The following IQSEC1 variants were observed in gnomAD, a reference collection of about 807,000 sequenced individuals.
IQSEC1 encodes IQ motif and SEC7 domain-containing protein 1.
In IQSEC1, 31 loss-of-function variants were observed where a neutral mutation model predicts 91.0. The observed-to-expected ratio is 0.34, with a 90% confidence interval of 0.26 to 0.46. The LOEUF (loss-of-function observed/expected upper bound fraction) is 0.46. IQSEC1 is among the 20% of genes least tolerant of loss of function. The pLI is 1.00. For synonymous variants in IQSEC1, 699 were observed against 662.6 expected, an observed-to-expected ratio of 1.05 and a Z score of -0.84; for missense variants, 1,388 against 1,575.6, an observed-to-expected ratio of 0.88 and a Z score of 2.02.
intron 2 of IQSEC1, among the ~76,000 whole-genome samples, chr3:13,091,362 G>A (rs1415021241): frequency 6.6e-6 from 1 of 152,256 alleles, no homozygotes; most frequent in Non-Finnish European, 1.5e-5. Context: ...GACCGTGCCT[G>A]GCACATAGCA....
intron 1 of IQSEC1, among the ~76,000 whole-genome samples, chr3:12,955,797 G>A (rs1193435173): frequency 6.6e-6 from 1 of 152,206 alleles, no homozygotes; most frequent in Non-Finnish European, 1.5e-5. Context: ...CCCTGGGAGA[G>A]TTGGTCAGGA....
At chr3:13,176,913 C>A (rs551916531) in intron 1 of IQSEC1, among the ~76,000 whole-genome samples, 1 of 152,208 alleles carries the variant, frequency 6.6e-6, no homozygotes, top group African/African-American at 2.4e-5. Flanking sequence ...AGTACTGATA[C>A]ATACAAACAT....
intron 12 of IQSEC1, among the ~76,000 whole-genome samples, chr3:12,903,936 A>G (rs901076038): frequency 1.5e-4 from 23 of 152,238 alleles, no homozygotes; most frequent in Non-Finnish European, 2.9e-4. Context: ...GTTCACACCC[A>G]GACCTGCTCA....
intron 2 of IQSEC1, among the ~76,000 whole-genome samples, chr3:13,111,504 C>T (rs1292469248): frequency 1.3e-5 from 2 of 152,214 alleles, no homozygotes; most frequent in Non-Finnish European, 2.9e-5. Flanking sequence ...CTTCCCACTG[C>T]GGGTAAGCAC....
rs540507900 is a variant in IQSEC1, at chr3:12,992,007, G to A, written c.24-50142C>T. Among the ~76,000 whole-genome samples the A allele has an allele frequency of 9.9e-5, 15 of 152,260 alleles. No homozygotes were observed. Among genetic ancestry groups the A allele is most frequent in the African/African-American group, 1.4e-4 (6 of 41,548 alleles). ...CAAGATTACCTAATGTTTGCAAACC[G>A]TGCAGGAGACAGTCCCCTGCAGAGG... On this transcript the variant is annotated intron_variant, in intron 1 of 13. Transcript: ENST00000613206. The surrounding 1 kb of genome is among the most constrained non-coding windows in gnomAD (Gnocchi z 4.1).
At chr3:12,904,775 C>T (rs1361999994) in intron 12 of IQSEC1, among the ~76,000 whole-genome samples, 6 of 152,318 alleles carry the variant, frequency 3.9e-5, no homozygotes, top group South Asian at 2.1e-4. Context: ...ATGGCCTCCC[C>T]GTCTGTAACC....
chr3:13,109,244 C>G (rs760221060), intron 2 of IQSEC1, among the ~76,000 whole-genome samples: 1 of 152,134 alleles, frequency 6.6e-6, no homozygotes, highest in Non-Finnish European at 1.5e-5. Flanking sequence ...TATGAGCAGC[C>G]GAGGCCCCCC....
chr3:13,035,418 C>T (rs192048441), intron 1 of IQSEC1, among the ~76,000 whole-genome samples: 55 of 152,294 alleles, frequency 3.6e-4, no homozygotes, highest in African/African-American at 1.3e-3. Flanking sequence ...CAAGACCCAT[C>T]TCAGCTCTAA....
Position 12,899,496 on chromosome 3 carries a change from G to T in IQSEC1, c.*1487C>A. The T allele has an allele frequency of 6.4e-7, 1 of 1,573,830 alleles. No homozygotes were observed. Among genetic ancestry groups the T allele is most frequent in the Non-Finnish European group, 8.6e-7 (1 of 1,158,754 alleles). ...CCTGCCGCGTGCAGGTCTGGCCCTG[G>T]GGAGCGCATGGTGTCACCACAACAC... On this transcript the variant is annotated 3_prime_UTR_variant, in exon 14 of 14. Transcript: ENST00000613206.
intron 1 of IQSEC1, among the ~76,000 whole-genome samples, chr3:13,205,808 C>A (rs1277861651): frequency 3.3e-5 from 5 of 151,318 alleles, no homozygotes; most frequent in African/African-American, 1.2e-4. Context: ...ACCCACCCAT[C>A]CATCCTTCCA....
At chr3:13,122,002 G>T (rs901115991) in intron 2 of IQSEC1, among the ~76,000 whole-genome samples, 1 of 152,388 alleles carries the variant, frequency 6.6e-6, no homozygotes, top group South Asian at 2.1e-4. Context: ...GGCGCAGGCA[G>T]GAGCTGACAG....
At chr3:13,076,243 C>T (rs1175728005), upstream of IQSEC1, among the ~76,000 whole-genome samples, 1 of 152,186 alleles carries the variant, frequency 6.6e-6, no homozygotes, top group Non-Finnish European at 1.5e-5. Context: ...GGGAACCTAG[C>T]ATTCAGACAG....
intron 1 of IQSEC1, among the ~76,000 whole-genome samples, chr3:13,020,229 C>G (rs59533674): frequency 0.12 from 18,553 of 152,250 alleles, 1,622 homozygotes; most frequent in African/African-American, 0.25. Context: ...GTCACCCACC[C>G]AGGAGGTCTA....
chr3:13,216,182 G>A (rs1355538224), intron 1 of IQSEC1, among the ~76,000 whole-genome samples: 1 of 152,248 alleles, frequency 6.6e-6, no homozygotes, highest in East Asian at 1.9e-4. Flanking sequence ...TGCAAAGATT[G>A]GCAGTGACCA....
intron 1 of IQSEC1, among the ~76,000 whole-genome samples, chr3:13,202,905 C>T (rs983106366): frequency 6.6e-5 from 10 of 152,180 alleles, no homozygotes; most frequent in Non-Finnish European, 1.2e-4. Flanking sequence ...GGGCGCCATT[C>T]TGAGCATGCT....
At chr3:13,277,365 G>A (rs497323) in intron 1 of IQSEC1, among the ~76,000 whole-genome samples, 89,546 of 151,964 alleles carry the variant, frequency 0.59, 27,380 homozygotes, top group East Asian at 0.94. Context: ...AAAACCAAAC[G>A]TCGGAAACAA....
In IQSEC1 at chr3:13,259,742, C is replaced by T. The variant is rs745505621; in HGVS notation, c.272+22969G>A. ...TCCCGTGGGAGCCTCCAATGCTTAC[C>T]TCCACCTGCTTCCACCTCTGGTCAT... On this transcript the variant is annotated intron_variant, in intron 1 of 15. Transcript: ENST00000648114. This position sits in a 1 kb window ranked among gnomAD's most constrained non-coding sequence, Gnocchi z 4.6. Among the ~76,000 whole-genome samples the T allele has an allele frequency of 1.3e-5, 2 of 152,222 alleles. No individual in the cohort carries two copies. The highest frequency in any genetic ancestry group is 2.9e-5 in the Non-Finnish European group (2 of 68,040).
At chr3:13,010,776 G>A in intron 1 of IQSEC1, among the ~76,000 whole-genome samples, 1 of 152,182 alleles carries the variant, frequency 6.6e-6, no homozygotes, top group East Asian at 1.9e-4. Context: ...CCTGCAGGGA[G>A]AGGCCAGCAC....
chr3:12,954,845 G>T (rs1488393413), intron 1 of IQSEC1, among the ~76,000 whole-genome samples: 3 of 152,220 alleles, frequency 2.0e-5, no homozygotes, highest in Admixed American at 6.5e-5. Flanking sequence ...ACACAAAGGG[G>T]TCAGGACAGG....
Sources: allele counts gnomAD v4.1 joint callset (sites outside exome capture counted in the v4.1 genomes callset), GRCh38; gene constraint gnomAD v4.1.1; non-coding constraint Gnocchi (gnomAD v3.1); transcripts MANE v1.5; gene names NCBI Gene and HGNC (gene_info 2026-07-23, HGNC 2026-07-21).